The following CUL3 variants were observed in gnomAD, a reference collection of about 807,000 sequenced individuals.
CUL3 encodes cullin-3.
In CUL3, 19 loss-of-function variants were observed where a neutral mutation model predicts 89.1. The observed-to-expected ratio is 0.21, with a 90% CI of 0.15 to 0.31. The LOEUF (loss-of-function observed/expected upper bound fraction) is 0.31, where lower values mean the gene tolerates loss of function less well. Ranked by LOEUF, CUL3 falls within the 10% of genes least tolerant of loss-of-function variation. The probability of loss-of-function intolerance (pLI) is 1.00; values close to 1 mark genes in which losing one functional copy is unlikely to be tolerated. For missense variants in CUL3, 469 were observed against 942.3 expected (o/e 0.50, Z 6.58); for synonymous variants, 351 against 308.4 (o/e 1.14, Z -1.45).
At chr2:224,578,074 A>G (rs1479443836) in intron 1 of CUL3, among the ~76,000 whole-genome samples, 3 of 152,164 alleles carry the variant, frequency 2.0e-5, no homozygotes, top group African/African-American at 4.8e-5. Flanking sequence ...AGCATTTAGA[A>G]AGTGTTAGCT....
At chr2:224,495,449 C>T (rs529050865) in intron 13 of CUL3, 1 of 158,100 alleles carries the variant, frequency 6.3e-6, no homozygotes, top group African/African-American at 2.4e-5. Context: ...TGATATAAAG[C>T]AGGTCACTGG....
At chr2:224,494,357 C>T (rs1010779932) in intron 13 of CUL3, among the ~76,000 whole-genome samples, 1 of 151,946 alleles carries the variant, frequency 6.6e-6, no homozygotes, top group Non-Finnish European at 1.5e-5. Context: ...TTCATTTTAA[C>T]CCCAAAACAC....
At chr2:224,474,468 T>A in intron 15 of CUL3, 92 bp from the exon 16 acceptor site, 1 of 1,013,844 alleles carries the variant, frequency 9.9e-7, no homozygotes, top group East Asian at 2.6e-5. Context: ...ACTCAGAGAC[T>A]GAACTTTACT....
At chr2:224,555,385 C>G (rs1465603026) in intron 2 of CUL3, among the ~76,000 whole-genome samples, 1 of 152,098 alleles carries the variant, frequency 6.6e-6, no homozygotes, top group East Asian at 1.9e-4. Context: ...CCAGATCTTT[C>G]CAGGTCTTCT....
intron 13 of CUL3, among the ~76,000 whole-genome samples, chr2:224,482,318 A>G (rs1031207368): frequency 6.6e-6 from 1 of 152,120 alleles, no homozygotes; most frequent in Non-Finnish European, 1.5e-5. Flanking sequence ...TTGTTTCAGG[A>G]GATACAATGG....
intron 1 of CUL3, chr2:224,569,573 TG>T: frequency 2.7e-6 from 1 of 366,514 alleles, no homozygotes; most frequent in Non-Finnish European, 3.8e-6. Flanking sequence ...AAATCTATAA[TG>T]GTCTTTGTTT....
intron 3 of CUL3, chr2:224,533,033 G>T (rs1344783585): frequency 1.3e-5 from 2 of 152,208 alleles, no homozygotes; most frequent in Non-Finnish European, 2.9e-5. Flanking sequence ...TTTACTACAA[G>T]GGAGGAAACC....
chr2:224,475,589 C>A (rs527497011), intron 15 of CUL3, among the ~76,000 whole-genome samples: 1 of 152,312 alleles, frequency 6.6e-6, no homozygotes, highest in South Asian at 2.1e-4. Flanking sequence ...TCTGCAACTA[C>A]AATTTATCGC....
At chr2:224,482,161 G>T (rs1254172898) in intron 13 of CUL3, 83 bp from the exon 14 acceptor site, 3 of 994,290 alleles carry the variant, frequency 3.0e-6, no homozygotes, top group Admixed American at 2.9e-5. Context: ...CCAAGCAGTA[G>T]TTAAAAAGAG....
intron 14 of CUL3, among the ~76,000 whole-genome samples, 199 bp downstream of exon 14, chr2:224,481,693 T>A (rs1451061441): frequency 6.6e-6 from 1 of 152,126 alleles, no homozygotes; most frequent in African/African-American, 2.4e-5. Flanking sequence ...ATAAATTACT[T>A]TTTAAAATGC....
chr2:224,519,638 TAA>T (rs1369145199), intron 3 of CUL3, among the ~76,000 whole-genome samples: 1 of 152,196 alleles, frequency 6.6e-6, no homozygotes, highest in Non-Finnish European at 1.5e-5. Flanking sequence ...ATAGTAATAC[TAA>T]ATAATCATTT....
chr2:224,557,578 C>A, intron 2 of CUL3, 81 bp downstream of exon 2: 1 of 960,982 alleles, frequency 1.0e-6, no homozygotes, highest in South Asian at 1.8e-5. Context: ...AAAAAGAACA[C>A]TTCCGGTCAA....
chr2:224,565,020 C>T (rs1695006367), intron 1 of CUL3, among the ~76,000 whole-genome samples: 1 of 152,106 alleles, frequency 6.6e-6, no homozygotes, highest in African/African-American at 2.4e-5. Flanking sequence ...AATATGTTCC[C>T]ATTTTTTCAT....
At chr2:224,523,933 T>C (rs1457316233) in intron 3 of CUL3, among the ~76,000 whole-genome samples, 2 of 152,102 alleles carry the variant, frequency 1.3e-5, no homozygotes, top group East Asian at 3.9e-4. Flanking sequence ...AGTTACTGTT[T>C]AGTGAGTACA....
At chr2:224,548,233 A>G (rs1328550099) in intron 2 of CUL3, among the ~76,000 whole-genome samples, 1 of 152,236 alleles carries the variant, frequency 6.6e-6, no homozygotes, top group African/African-American at 2.4e-5. Context: ...CTAAAACGTA[A>G]CTTCCACAAA....
chr2:224,495,073 C>A (rs1692116277), intron 13 of CUL3: 1 of 150,318 alleles, frequency 6.7e-6, no homozygotes, highest in South Asian at 2.1e-4. Context: ...AACACTTCAC[C>A]AAACAAGATA....
At chr2:224,506,612 G>A (rs1481944977) in intron 7 of CUL3, among the ~76,000 whole-genome samples, 1 of 152,044 alleles carries the variant, frequency 6.6e-6, no homozygotes, top group African/African-American at 2.4e-5. Flanking sequence ...ATTCACTATT[G>A]AGGCTATTTA....
intron 6 of CUL3, among the ~76,000 whole-genome samples, chr2:224,510,289 A>G (rs1274126936): frequency 7.4e-6 from 1 of 135,180 alleles, no homozygotes; most frequent in African/African-American, 2.8e-5. Flanking sequence ...AAGCCTCTCT[A>G]GTTTTTTTTG....
chr2:224,502,311 C>CT (rs1692422986), intron 10 of CUL3, among the ~76,000 whole-genome samples: 1 of 152,070 alleles, frequency 6.6e-6, no homozygotes, highest in Admixed American at 6.6e-5. Context: ...GTACAATTCT[C>CT]TAAACTTAAG....
Sources: allele counts gnomAD v4.1 joint callset (sites outside exome capture counted in the v4.1 genomes callset), GRCh38; gene constraint gnomAD v4.1.1; transcripts MANE v1.5; gene names NCBI Gene and HGNC (gene_info 2026-07-23, HGNC 2026-07-21).